The following IDUA variants were observed in gnomAD, a reference collection of about 807,000 sequenced individuals.
The protein encoded by IDUA is alpha-L-iduronidase.
A neutral mutation model predicts 68.9 loss-of-function variants in IDUA; 65 were observed. The observed-to-expected ratio is 0.94, with a 90% CI of 0.77 to 1.16. The LOEUF (loss-of-function observed/expected upper bound fraction) is 1.16, where lower values mean the gene tolerates loss of function less well. Among genes scored for constraint, IDUA ranks in the 50% most tolerant of loss-of-function variants. The pLI is 0.00. For missense variants in IDUA, 1,046 were observed against 938.0 expected (o/e 1.12, Z -1.50); for synonymous variants, 529 against 433.6 (o/e 1.22, Z -2.73).
At chr4:993,848 C>T (rs1458940586) in intron 2 of IDUA, among the ~76,000 whole-genome samples, 1 of 152,212 alleles carries the variant, frequency 6.6e-6, no homozygotes, top group African/African-American at 2.4e-5. Flanking sequence ...GCCGGCTCAG[C>T]CCAAGGCTGC....
At chr4:1,000,860 G>A in intron 3 of IDUA, 22 bp from the exon 4 acceptor site, 1 of 1,596,292 alleles carries the variant, frequency 6.3e-7, no homozygotes, top group Non-Finnish European at 8.6e-7. Flanking sequence ...GTGGGCGGTG[G>A]GGCAGCCCTC....
Position 990,913 on chromosome 4 carries a change from C to T in IDUA, c.299+2964C>T, listed in dbSNP as rs1247413215. On this transcript the variant is annotated intron_variant, in intron 2 of 13. Transcript: ENST00000514224. ...AGGCCATGGCCCACCGGACTGGCTC[C>T]CCGTGCCCCTCCCCTCCTGCATCCA... The T allele has an allele frequency of 2.4e-5, 13 of 547,928 alleles. No individual in the cohort carries two copies. In the Admixed American group the frequency reaches 3.1e-4, roughly 13 times the overall value. The allele number at this position is 547,928 out of a possible 1,614,324, so 33.9% of individuals were successfully genotyped here.
intron 2 of IDUA, chr4:988,505 G>A (rs776267055): frequency 8.6e-7 from 1 of 1,158,352 alleles, no homozygotes; most frequent in Non-Finnish European, 1.1e-6. Context: ...TGATGGCGGG[G>A]GACCCTTGTT....
chr4:990,876 T>TA (rs1242669458), intron 2 of IDUA: 1 of 503,060 alleles, frequency 2.0e-6, no homozygotes, highest in African/African-American at 1.9e-5. Context: ...CCTGGCCTGC[T>TA]GGTCCCCACC....
intron 2 of IDUA, chr4:990,646 C>A (rs1714216250): frequency 6.1e-6 from 3 of 488,840 alleles, no homozygotes; most frequent in African/African-American, 3.9e-5. Context: ...CGTTTTATTT[C>A]AGAATTAAGA....
chr4:1,003,186 C>G (rs754309206), intron 10 of IDUA, 29 bp downstream of exon 10: 45 of 697,370 alleles, frequency 6.5e-5, no homozygotes, highest in South Asian at 8.0e-5. Flanking sequence ...GGCGAGGGGC[C>G]GGGCCGGGCC....
intron 2 of IDUA, among the ~76,000 whole-genome samples, chr4:999,059 G>T (rs563827467): frequency 1.3e-5 from 2 of 152,072 alleles, no homozygotes; most frequent in African/African-American, 2.4e-5. Context: ...AAAAAAATTA[G>T]CCGGGCGTGG....
At position 987,205 on chromosome 4, in the gene IDUA, T is replaced by C. The variant is rs1302843483; in HGVS notation, c.121T>C (p.Trp41Arg). The change falls in exon 1 of 14, where the codon TGG becomes CGG. Residue 41 changes from tryptophan (W) to arginine (R), a missense_variant. By Grantham distance (101) the Trp-to-Arg change is moderately radical. Coordinates refer to ENST00000514224, the MANE Select transcript of IDUA (RefSeq NM_000203.5). ...LVHVDAARAL[W>R]PLRRFWRSTG... is the part of the protein sequence containing the mutation. Reference sequence around the variant, plus strand: ...GCATGTGGACGCGGCCCGCGCGCTGTGGCCCCTGCGGCGCTTCTGGAGGAG... The same window carrying C: ...GCATGTGGACGCGGCCCGCGCGCTGCGGCCCCTGCGGCGCTTCTGGAGGAG... The C allele has an allele frequency of 6.7e-7, 1 of 1,485,596 alleles. No individual in the cohort carries two copies. Among genetic ancestry groups the C allele is most frequent in the African/African-American group, 1.5e-5 (1 of 68,458 alleles). The allele number at this position is 1,485,596 out of a possible 1,614,324, so 92.0% of individuals were successfully genotyped here.
chr4:989,567 A>G, intron 2 of IDUA: 2 of 1,590,416 alleles, frequency 1.3e-6, no homozygotes, highest in Non-Finnish European at 1.7e-6. Context: ...GGGAGGTCCC[A>G]CACCTTGCGC....
rs4690223 is a variant in IDUA, at chr4:1,003,035, G to T, written c.1403-1G>T. On this transcript the variant is annotated splice_acceptor_variant, in intron 9 of 13. Transcript: ENST00000514224. LOFTEE classifies it high-confidence loss of function. The stretch of plus-strand genomic sequence containing the variant: ...CGAGGCCTGAGTGTCAGGCCCCGCA[G>T]GCCTGGTCTACGTCACGCGCTACCT... 6.0e-6 allele frequency: 9 copies of T among 1,500,172 alleles called. No individual in the cohort carries two copies. Among genetic ancestry groups the T allele is most frequent in the Non-Finnish European group, 7.9e-6 (9 of 1,133,112 alleles). The allele number at this position is 1,500,172 out of a possible 1,614,324, so 92.9% of individuals were successfully genotyped here.
intron 2 of IDUA, among the ~76,000 whole-genome samples, chr4:996,269 GATAA>G (rs1714738769): frequency 6.6e-6 from 1 of 152,264 alleles, no homozygotes; most frequent in Admixed American, 6.5e-5. Flanking sequence ...CCCTGGGACA[GATAA>G]GGGCCCCTCT....
At position 990,568 on chromosome 4, in the gene IDUA, C is replaced by G. The variant is rs929470062; in HGVS notation, c.299+2619C>G. On this transcript the variant is annotated intron_variant, in intron 2 of 13. Transcript: ENST00000514224. ...TCATGCCCGCAGACAACTGTGACAT[C>G]CACGTGAGCATCACACGTGCACACA... 127 of 597,476 alleles carry G rather than the reference C, an allele frequency of 2.1e-4. 1 individual carries two copies. In the South Asian group the frequency reaches 2.4e-3, roughly 11 times the overall value. 37.0% of individuals were successfully genotyped at this position (597,476 alleles called of 1,614,324 possible).
At chr4:990,735 A>T (rs909359080) in intron 2 of IDUA, 9 of 392,074 alleles carry the variant, frequency 2.3e-5, no homozygotes, top group Non-Finnish European at 4.2e-5. Context: ...ATGTGGAGCC[A>T]ACGGGGGCCA....
chr4:1,003,503 C>A, intron 11 of IDUA, 33 bp downstream of exon 11: 1 of 1,600,288 alleles, frequency 6.2e-7, no homozygotes, highest in Non-Finnish European at 8.5e-7. Context: ...GCGCCGCGGC[C>A]CGGACTCCCC....
rs1390140096 is a variant in IDUA, at chr4:1,003,721, TG to T, written c.1727+98del. 3.6e-6 allele frequency: 5 copies of T among 1,392,414 alleles called. No homozygotes were observed. The African/African-American group carries it at 4.3e-5, about 12-fold the overall frequency. The allele number at this position is 1,392,414 out of a possible 1,614,324, so 86.3% of individuals were successfully genotyped here. A position where few individuals can be genotyped will look rare whatever the true frequency, so the allele number is the denominator to read the frequency against. On this transcript the variant is annotated intron_variant, in intron 12 of 13. Coordinates refer to ENST00000514224, the MANE Select transcript of IDUA (RefSeq NM_000203.5). ...ATGCGGTCACTCGGGCCACTTGCCGTGGCCCATCGGCTCCCTCCCTCGCCGC... is the reference window on the plus strand; with the variant it reads ...ATGCGGTCACTCGGGCCACTTGCCGTGCCCATCGGCTCCCTCCCTCGCCGC...
At chr4:999,154 G>T (rs779921436) in intron 2 of IDUA, among the ~76,000 whole-genome samples, 5 of 151,242 alleles carry the variant, frequency 3.3e-5, no homozygotes, top group Non-Finnish European at 7.4e-5. Context: ...GCAGTGAGCC[G>T]AGATCGCGCC....
chr4:996,280 C>T (rs1251430153), intron 2 of IDUA, among the ~76,000 whole-genome samples: 1 of 152,240 alleles, frequency 6.6e-6, no homozygotes, highest in Non-Finnish European at 1.5e-5. Flanking sequence ...ATAAGGGCCC[C>T]TCTGGGTGCA....
At chr4:987,697 C>T (rs913294828) in intron 1 of IDUA, 112 bp from the exon 2 acceptor site, 20 of 1,541,430 alleles carry the variant, frequency 1.3e-5, no homozygotes, top group Admixed American at 9.5e-5. Context: ...ACTGAACGCA[C>T]GGGCAGCGCC....
chr4:1,001,248 G>A, intron 4 of IDUA: 1 of 425,986 alleles, frequency 2.3e-6, no homozygotes, highest in Non-Finnish European at 4.4e-6. Flanking sequence ...TGGGCAGGCT[G>A]CACCCCTATC....
Sources: allele counts gnomAD v4.1 joint callset (sites outside exome capture counted in the v4.1 genomes callset), GRCh38; gene constraint gnomAD v4.1.1; transcripts MANE v1.5; gene names NCBI Gene and HGNC (gene_info 2026-07-23, HGNC 2026-07-21).